RAPH1: variants seen among roughly 807,000 people sequenced by gnomAD.
The protein encoded by RAPH1 is Ras association (RalGDS/AF-6) and pleckstrin homology domains 1.
A neutral mutation model predicts 88.1 loss-of-function variants in RAPH1; 18 were observed. The observed-to-expected ratio is 0.20, with a 90% CI of 0.14 to 0.30. RAPH1 has a LOEUF of 0.30. RAPH1 is among the 10% of genes least tolerant of loss of function. The probability of loss-of-function intolerance (pLI) is 1.00; values close to 1 mark genes in which losing one functional copy is unlikely to be tolerated. For synonymous variants in RAPH1, 587 were observed against 559.0 expected, an observed-to-expected ratio of 1.05 and a Z score of -0.71; for missense variants, 1,448 against 1,543.2, an observed-to-expected ratio of 0.94 and a Z score of 1.03.
At chr2:203,507,242 A>C (rs1247411617) in intron 1 of RAPH1, among the ~76,000 whole-genome samples, 1 of 151,988 alleles carries the variant, frequency 6.6e-6, no homozygotes, top group Non-Finnish European at 1.5e-5. Flanking sequence ...GTAAAGAAGA[A>C]AGCTCTTACT....
intron 1 of RAPH1, among the ~76,000 whole-genome samples, chr2:203,511,765 T>A (rs1188024934): frequency 2.6e-5 from 4 of 152,170 alleles, no homozygotes; most frequent in Non-Finnish European, 5.9e-5. Context: ...TTTAAAAAGC[T>A]ACTCCCAATT....
rs1213613137 is a variant in RAPH1 at position 203,481,528 on chromosome 2, TTC to T, written c.732+8054_732+8055del. On this transcript the variant is annotated intron_variant, in intron 4 of 13. Coordinates refer to ENST00000319170, the MANE Select transcript of RAPH1 (RefSeq NM_213589.3). The stretch of plus-strand genomic sequence containing the variant: ...AATCTGTAAATGTTTTTAAAACTAT[TTC>T]TTTTTGTTTTATAGCCCCTATTCAT... 9.3e-5 allele frequency among the ~76,000 whole-genome samples: 14 copies of T among 150,766 alleles called. No homozygotes were observed. The South Asian group carries it at 2.5e-3, about 27-fold the overall frequency.
chr2:203,490,220 T>A, intron 3 of RAPH1, 131 bp from the exon 4 acceptor site: 1 of 946,578 alleles, frequency 1.1e-6, no homozygotes, highest in Non-Finnish European at 1.5e-6. Context: ...TATTTCTGGT[T>A]TTTGTTTTAA....
intron 1 of RAPH1, among the ~76,000 whole-genome samples, chr2:203,520,769 G>A (rs1365549240): frequency 2.0e-5 from 3 of 152,184 alleles, no homozygotes; most frequent in African/African-American, 7.2e-5. Flanking sequence ...GGGCTGGTGA[G>A]GATGTGGAAC....
At chr2:203,527,628 G>A (rs889753224) in intron 1 of RAPH1, among the ~76,000 whole-genome samples, 5 of 151,752 alleles carry the variant, frequency 3.3e-5, no homozygotes, top group Admixed American at 2.6e-4. Flanking sequence ...GAGTAACCCC[G>A]TCTCTACTAA....
At chr2:203,473,570 G>A (rs567872882) in intron 4 of RAPH1, among the ~76,000 whole-genome samples, 1 of 152,060 alleles carries the variant, frequency 6.6e-6, no homozygotes, top group South Asian at 2.1e-4. Context: ...CTTGATTACA[G>A]GGGAAAAAAA....
intron 1 of RAPH1, among the ~76,000 whole-genome samples, chr2:203,517,433 C>CCT (rs1351835095): frequency 6.8e-6 from 1 of 147,442 alleles, no homozygotes; most frequent in Non-Finnish European, 1.5e-5. Flanking sequence ...GACTTGAATA[C>CCT]CTCTCTATCA....
intron 1 of RAPH1, among the ~76,000 whole-genome samples, chr2:203,524,995 T>C (rs954408099): frequency 6.6e-6 from 1 of 152,182 alleles, no homozygotes; most frequent in Non-Finnish European, 1.5e-5. Context: ...ATACAAAGTT[T>C]TTAAAAGGAG....
Position 203,495,279 on chromosome 2 carries a change from G to T in RAPH1, c.75C>A (p.Asp25Glu), listed in dbSNP as rs1307948229. The T allele has an allele frequency of 1.2e-6, 2 of 1,613,910 alleles. No homozygotes were observed. Among genetic ancestry groups the T allele is most frequent in the Non-Finnish European group, 1.7e-6 (2 of 1,179,990 alleles). ...CTCCAAGCCAGGCTCCAAACATTTT[G>T]TCCAGGTCCTGATCTTCCTTGTCAC... ...EDSDKEDQDLDKMFGAWLGEL... is the reference protein window; with the variant it reads ...EDSDKEDQDLEKMFGAWLGEL... The change falls in exon 2 of 14, where the codon GAC becomes GAA. Residue 25 changes from aspartate to glutamate, a missense_variant. Physicochemically the swap from Asp to Glu is conservative, Grantham distance 45 (BLOSUM62 2). Around this residue, in one of 2 missense-constraint regions of RAPH1, gnomAD observed 513 missense variants for 653.1 expected, o/e 0.79. Transcript: ENST00000319170.
At chr2:203,510,673 G>T (rs1265308850) in intron 1 of RAPH1, among the ~76,000 whole-genome samples, 1 of 151,966 alleles carries the variant, frequency 6.6e-6, no homozygotes, top group East Asian at 1.9e-4. Context: ...GAGTGGTGAG[G>T]TCTGGGAACT....
chr2:203,503,061 T>G (rs1688810647), intron 1 of RAPH1, among the ~76,000 whole-genome samples: 1 of 151,760 alleles, frequency 6.6e-6, no homozygotes, highest in South Asian at 2.1e-4. Flanking sequence ...GGAGAATCAC[T>G]TGAATCCAGG....
At chr2:203,513,711 T>C (rs952863762) in intron 1 of RAPH1, among the ~76,000 whole-genome samples, 1 of 148,772 alleles carries the variant, frequency 6.7e-6, no homozygotes, top group Admixed American at 6.7e-5. Flanking sequence ...GGCAGGCGCC[T>C]ATAATACCAG....
chr2:203,487,014 CTAGA>C (rs1194005476), intron 4 of RAPH1, among the ~76,000 whole-genome samples: 3 of 152,196 alleles, frequency 2.0e-5, no homozygotes, highest in Non-Finnish European at 1.5e-5. Context: ...ATGGATACCA[CTAGA>C]TACCATTTGA....
intron 4 of RAPH1, among the ~76,000 whole-genome samples, chr2:203,475,743 C>CT (rs1687390722): frequency 7.2e-6 from 1 of 139,522 alleles, no homozygotes; most frequent in African/African-American, 2.7e-5. Flanking sequence ...TCCTACACTT[C>CT]TTGTATAAAA....
At position 203,508,239 on chromosome 2, in the gene RAPH1, A is replaced by AAG. The variant is rs1689180247; in HGVS notation, c.1-12887_1-12886insCT. 4.7e-5 allele frequency among the ~76,000 whole-genome samples: 7 copies of AAG among 150,168 alleles called. 1 individual carries two copies. The South Asian group carries it at 1.5e-3, about 32-fold the overall frequency. Reference sequence around the variant, plus strand: ...TCTGTCTCAAAAAAAAAAAAAAAAAAAAAGGAAGAAAGAAAGAAATATACA... The same window carrying AAG: ...TCTGTCTCAAAAAAAAAAAAAAAAAAAGAAAGGAAGAAAGAAAGAAATATACA... On this transcript the variant is annotated intron_variant, in intron 1 of 13. Coordinates refer to ENST00000319170, the MANE Select transcript of RAPH1 (RefSeq NM_213589.3).
intron 4 of RAPH1, chr2:203,470,161 A>G: frequency 1.1e-6 from 1 of 908,478 alleles, no homozygotes; most frequent in Non-Finnish European, 1.7e-6. Context: ...ATAATAATAT[A>G]AGAGCATGAT....
At chr2:203,515,216 CAAT>C (rs1689543830) in intron 1 of RAPH1, among the ~76,000 whole-genome samples, 1 of 152,066 alleles carries the variant, frequency 6.6e-6, no homozygotes, top group African/African-American at 2.4e-5. Context: ...GTTAACCTCT[CAAT>C]AAAATTTAAG....
intron 1 of RAPH1, among the ~76,000 whole-genome samples, chr2:203,513,937 C>T (rs1019212002): frequency 2.0e-5 from 3 of 151,816 alleles, no homozygotes; most frequent in Admixed American, 6.6e-5. Flanking sequence ...CTCCACCTCC[C>T]GGGTTCAAGT....
Position 203,460,044 on chromosome 2 carries a change from A to G in RAPH1, c.971-16T>C. ...AAGATTCTCTCTGTCCCAAAATAAA[A>G]TATCCGTATTTTGTTAGTATTCATT... On this transcript the variant is annotated splice_polypyrimidine_tract_variant and intron_variant, in intron 6 of 13. Coordinates refer to ENST00000319170, the MANE Select transcript of RAPH1 (RefSeq NM_213589.3). 6.3e-7 allele frequency: 1 copy of G among 1,594,854 alleles called. No individual in the cohort carries two copies. The highest frequency in any genetic ancestry group is 1.4e-5 in the African/African-American group (1 of 73,614).
Sources: allele counts gnomAD v4.1 joint callset (sites outside exome capture counted in the v4.1 genomes callset), GRCh38; gene constraint gnomAD v4.1.1; regional missense constraint gnomAD v4.1.1; transcripts MANE v1.5; gene names NCBI Gene and HGNC (gene_info 2026-07-23, HGNC 2026-07-21).